KAZN: variants seen among roughly 807,000 people sequenced by gnomAD.
The protein encoded by KAZN is kazrin, periplakin interacting protein.
A neutral mutation model predicts 87.4 loss-of-function variants in KAZN; 40 were observed. The ratio of observed to expected loss-of-function variants is 0.46; its 90% CI spans 0.36 to 0.60. The LOEUF (loss-of-function observed/expected upper bound fraction) is 0.60, where lower values mean the gene tolerates loss of function less well. KAZN is among the 20% of genes least tolerant of loss of function. The pLI, the probability that KAZN is intolerant of heterozygous loss-of-function variation, is 0.00. For synonymous variants in KAZN, 466 were observed against 458.3 expected, an observed-to-expected ratio of 1.02 and a Z score of -0.22; for missense variants, 898 against 1,073.9, an observed-to-expected ratio of 0.84 and a Z score of 2.29.
chr1:14,737,369 C>T (rs1038397136), intron 1 of KAZN, among the ~76,000 whole-genome samples: 4 of 152,006 alleles, frequency 2.6e-5, no homozygotes, highest in African/African-American at 7.3e-5. Context: ...GGATCCTCCA[C>T]GGTATGCACA....
At chr1:14,285,236 C>T (rs1653151890) in intron 2 of KAZN, among the ~76,000 whole-genome samples, 1 of 152,176 alleles carries the variant, frequency 6.6e-6, no homozygotes, top group African/African-American at 2.4e-5. Context: ...TAGAACAAAG[C>T]CTAGTGTATA....
intron 2 of KAZN, among the ~76,000 whole-genome samples, chr1:14,269,347 C>T (rs1374016850): frequency 6.6e-6 from 1 of 152,064 alleles, no homozygotes; most frequent in East Asian, 1.9e-4. Flanking sequence ...GAGAAACTCT[C>T]CTAATAGGAT....
chr1:13,965,921 G>A (rs1181631702), intron 1 of KAZN, among the ~76,000 whole-genome samples: 2 of 152,070 alleles, frequency 1.3e-5, no homozygotes, highest in Non-Finnish European at 2.9e-5. Context: ...CAAGCTGAAC[G>A]TCCTCCTGCA....
At chr1:14,635,089 A>T (rs1257302714) in intron 1 of KAZN, among the ~76,000 whole-genome samples, 1 of 152,232 alleles carries the variant, frequency 6.6e-6, no homozygotes, top group Non-Finnish European at 1.5e-5. Context: ...TCAGGGGGTT[A>T]GGTTGAATGC....
chr1:14,422,927 A>C (rs1665516178), intron 2 of KAZN, among the ~76,000 whole-genome samples: 2 of 152,110 alleles, frequency 1.3e-5, no homozygotes, highest in Admixed American at 6.5e-5. Context: ...TAACAAGGAA[A>C]CTCAGATTGA....
At chr1:14,386,070 G>T (rs1370842584) in intron 2 of KAZN, among the ~76,000 whole-genome samples, 1 of 151,270 alleles carries the variant, frequency 6.6e-6, no homozygotes, top group Non-Finnish European at 1.5e-5. Context: ...TGATGTAATG[G>T]CCTTCTTTGT....
intron 2 of KAZN, among the ~76,000 whole-genome samples, chr1:14,447,432 G>A (rs1279032387): frequency 2.0e-5 from 3 of 151,714 alleles, no homozygotes; most frequent in African/African-American, 7.3e-5. Context: ...GTAGAGACGG[G>A]GTTTCACCGT....
rs982498895 is a variant in KAZN, at chr1:14,148,029, G to T, written c.92-32406G>T. ...GAGCCCAGGAGTTTGAGATCAGCCT[G>T]GCCAACATAGTGAGACCCTATCTCT... is the stretch of plus-strand genomic sequence containing the variant. On this transcript the variant is annotated intron_variant, in intron 1 of 16. Coordinates refer to the KAZN transcript ENST00000636203. Among the ~76,000 whole-genome samples, 3 of 152,140 alleles carry T rather than the reference G, an allele frequency of 2.0e-5. No individual in the cohort carries two copies. The East Asian group carries it at 5.8e-4, about 29-fold the overall frequency.
chr1:14,557,136 A>G (rs1335508646), intron 2 of KAZN, among the ~76,000 whole-genome samples: 2 of 152,236 alleles, frequency 1.3e-5, no homozygotes, highest in Non-Finnish European at 2.9e-5. Context: ...GTGGGCAAAT[A>G]GTAAAGTCAA....
Position 14,599,180 on chromosome 1 carries a change from C to T in KAZN, c.183C>T (p.Asp61=). Residue 61 remains aspartate, a synonymous_variant, in exon 1 of 15, where the codon GAC becomes GAT. Coordinates refer to ENST00000376030, the MANE Select transcript of KAZN (RefSeq NM_201628.3). This position sits in a 1 kb window ranked among gnomAD's most constrained non-coding sequence, Gnocchi z 4.4. ...CGGCCAGCGCCTCGGCGGCGGGGGA[C>T]TCGGCGGCGACGAACATGGAGAACC... ...GAAASASAAG[D]SAATNMENPQ... is the part of the protein sequence containing the mutation. The T allele has an allele frequency of 7.2e-7, 1 of 1,382,540 alleles. No individual in the cohort carries two copies. Among genetic ancestry groups the T allele is most frequent in the Non-Finnish European group, 9.3e-7 (1 of 1,070,228 alleles). The allele number at this position is 1,382,540 out of a possible 1,614,324, so 85.6% of individuals were successfully genotyped here.
intron 2 of KAZN, among the ~76,000 whole-genome samples, chr1:14,417,000 GTA>G (rs1395641634): frequency 1.2e-5 from 1 of 80,888 alleles, no homozygotes; most frequent in African/African-American, 4.0e-5. Flanking sequence ...ATGTGTGTAT[GTA>G]TATATATGTA....
chr1:14,181,576 C>T (rs538370323), intron 2 of KAZN, among the ~76,000 whole-genome samples: 21 of 152,268 alleles, frequency 1.4e-4, no homozygotes, highest in African/African-American at 4.8e-4. Flanking sequence ...CCTGAAGCCG[C>T]CCCATGGGAT....
At chr1:14,285,878 C>G (rs189968384) in intron 2 of KAZN, among the ~76,000 whole-genome samples, 1 of 152,290 alleles carries the variant, frequency 6.6e-6, no homozygotes, top group African/African-American at 2.4e-5. Flanking sequence ...GAGTCAGCAA[C>G]GAGAGCCTGG....
intron 2 of KAZN, among the ~76,000 whole-genome samples, chr1:14,972,580 A>G (rs1665175887): frequency 6.6e-6 from 1 of 151,624 alleles, no homozygotes; most frequent in Non-Finnish European, 1.5e-5. Context: ...CAATGGCACA[A>G]TCTCAGCTCA....
At chr1:13,895,362 C>CA (rs1638996751) in intron 1 of KAZN, among the ~76,000 whole-genome samples, 3 of 152,140 alleles carry the variant, frequency 2.0e-5, no homozygotes, top group Non-Finnish European at 4.4e-5. Context: ...TGTGGGAAGG[C>CA]ACGTCGGATT....
At chr1:13,963,699 A>C (rs36170101) in intron 1 of KAZN, among the ~76,000 whole-genome samples, 29,667 of 151,744 alleles carry the variant, frequency 0.2, 3,237 homozygotes, top group East Asian at 0.38. Context: ...AAAAACAAAA[A>C]AACAAAAAAC....
intron 1 of KAZN, among the ~76,000 whole-genome samples, chr1:14,130,669 C>G (rs1296195906): frequency 6.6e-6 from 1 of 152,106 alleles, no homozygotes; most frequent in African/African-American, 2.4e-5. Context: ...GTGAATCCTT[C>G]TTGCTGCCTC....
At chr1:14,702,326 CTGTG>C (rs3222186) in intron 1 of KAZN, among the ~76,000 whole-genome samples, 3,209 of 133,336 alleles carry the variant, frequency 0.024, 124 homozygotes, top group African/African-American at 0.083. Context: ...TTTTGCAAAA[CTGTG>C]TGTGTGTGTG....
At chr1:14,544,030 G>A (rs556081290) in intron 2 of KAZN, among the ~76,000 whole-genome samples, 12 of 152,302 alleles carry the variant, frequency 7.9e-5, no homozygotes, top group Admixed American at 5.2e-4. Context: ...ATGACTTCGT[G>A]AAATGCATAT....
Sources: allele counts gnomAD v4.1 joint callset (sites outside exome capture counted in the v4.1 genomes callset), GRCh38; gene constraint gnomAD v4.1.1; non-coding constraint Gnocchi (gnomAD v3.1); transcripts MANE v1.5; gene names NCBI Gene and HGNC (gene_info 2026-07-23, HGNC 2026-07-21).